TFPI: variants seen among roughly 807,000 people sequenced by gnomAD.
TFPI encodes the protein anti-convertin.
A neutral mutation model predicts 34.6 loss-of-function variants in TFPI; 15 were observed. The ratio of observed to expected loss-of-function variants is 0.43; its 90% CI spans 0.29 to 0.67. TFPI has a LOEUF of 0.67. Among genes scored for constraint, TFPI ranks in the 30% least tolerant of loss-of-function variants. The pLI is 0.15. For missense variants in TFPI, 301 were observed against 364.0 expected (o/e 0.83, Z 1.41); for synonymous variants, 105 against 120.1 (o/e 0.87, Z 0.82).
intron 6 of TFPI, among the ~76,000 whole-genome samples, chr2:187,476,579 A>G (rs1252656515): frequency 6.6e-6 from 1 of 152,084 alleles, no homozygotes. Flanking sequence ...GGCTCAAGCT[A>G]TCTTCCCACC....
At chr2:187,536,366 C>T (rs1303788161) in intron 1 of TFPI, among the ~76,000 whole-genome samples, 1 of 152,172 alleles carries the variant, frequency 6.6e-6, no homozygotes, top group Non-Finnish European at 1.5e-5. Flanking sequence ...TCCAGCAGCA[C>T]ATCAAAAAGC....
chr2:187,483,157 G>T (rs1413007919), intron 6 of TFPI, among the ~76,000 whole-genome samples: 1 of 151,870 alleles, frequency 6.6e-6, no homozygotes, highest in East Asian at 1.9e-4. Flanking sequence ...TTGCTTAGTT[G>T]TTCGTTTGTT....
chr2:187,509,712 AATCT>A (rs1686488041), intron 1 of TFPI, among the ~76,000 whole-genome samples: 2 of 151,980 alleles, frequency 1.3e-5, no homozygotes, highest in African/African-American at 2.4e-5. Flanking sequence ...TCTGGCTAGC[AATCT>A]ATCTATTTGC....
At chr2:187,474,265 T>G (rs1692228874) in intron 6 of TFPI, among the ~76,000 whole-genome samples, 1 of 152,092 alleles carries the variant, frequency 6.6e-6, no homozygotes, top group Admixed American at 6.6e-5. Context: ...TTAGGAAGAA[T>G]GGGATTTTAG....
At chr2:187,485,418 T>C (rs1693191148) in intron 4 of TFPI, among the ~76,000 whole-genome samples, 1 of 151,768 alleles carries the variant, frequency 6.6e-6, no homozygotes, top group African/African-American at 2.4e-5. Context: ...CGTTGCTCCA[T>C]TAAGAATGGT....
At chr2:187,531,363 G>C (rs538720635) in intron 1 of TFPI, among the ~76,000 whole-genome samples, 2 of 152,196 alleles carry the variant, frequency 1.3e-5, no homozygotes, top group African/African-American at 4.8e-5. Flanking sequence ...TATTGTGTCT[G>C]AATGAATTCA....
At chr2:187,502,762 C>T (rs1168851665) in intron 2 of TFPI, among the ~76,000 whole-genome samples, 2 of 152,120 alleles carry the variant, frequency 1.3e-5, no homozygotes, top group Non-Finnish European at 2.9e-5. Context: ...GATTCTTGAG[C>T]ACCTCATCTC....
intron 3 of TFPI, among the ~76,000 whole-genome samples, chr2:187,493,052 C>T (rs1044815122): frequency 3.9e-5 from 6 of 152,090 alleles, no homozygotes; most frequent in African/African-American, 9.7e-5. Flanking sequence ...GAATCTGTGT[C>T]GGGGGTCTGA....
At chr2:187,489,123 G>T (rs988583084) in intron 3 of TFPI, among the ~76,000 whole-genome samples, 1 of 151,378 alleles carries the variant, frequency 6.6e-6, no homozygotes. Flanking sequence ...GTTTTGCAGA[G>T]AAAATCTTTG....
chr2:187,480,687 C>T (rs1375141058), intron 6 of TFPI, among the ~76,000 whole-genome samples: 1 of 152,084 alleles, frequency 6.6e-6, no homozygotes, highest in Non-Finnish European at 1.5e-5. Context: ...GGAGAGAACA[C>T]ACATTTATTT....
At chr2:187,529,869 A>G (rs905331410) in intron 1 of TFPI, among the ~76,000 whole-genome samples, 1 of 152,188 alleles carries the variant, frequency 6.6e-6, no homozygotes, top group Non-Finnish European at 1.5e-5. Flanking sequence ...TTGCGGCATT[A>G]CTAACCTTTA....
chr2:187,486,294 T>C (rs1234762792), intron 4 of TFPI, among the ~76,000 whole-genome samples: 1 of 151,684 alleles, frequency 6.6e-6, no homozygotes, highest in African/African-American at 2.4e-5. Flanking sequence ...TCATATGATT[T>C]GTTTTAGTCT....
At chr2:187,519,128 TGAA>T (rs1687202101) in intron 1 of TFPI, 1 of 152,254 alleles carries the variant, frequency 6.6e-6, no homozygotes, top group Non-Finnish European at 1.5e-5. Context: ...ATCCACCTTC[TGAA>T]GCCTACTTCT....
chr2:187,488,218 G>T, intron 4 of TFPI, 119 bp downstream of exon 4: 1 of 695,908 alleles, frequency 1.4e-6, no homozygotes, highest in East Asian at 3.0e-5. Context: ...AGAAACTTAA[G>T]AATTGAATAT....
At chr2:187,504,004 G>A (rs192225997) in intron 1 of TFPI, among the ~76,000 whole-genome samples, 11 of 152,152 alleles carry the variant, frequency 7.2e-5, no homozygotes, top group Non-Finnish European at 1.0e-4. Context: ...AAGCAAACAG[G>A]TCATATTTCA....
chr2:187,472,855 T>C (rs1003564314), intron 6 of TFPI, among the ~76,000 whole-genome samples: 5 of 151,820 alleles, frequency 3.3e-5, no homozygotes, highest in African/African-American at 1.2e-4. Context: ...CTACTAAGAA[T>C]ACAAAAATTA....
rs1454441728 is a variant in TFPI at position 187,546,064 on chromosome 2, G to A, written c.-3+8136C>T. Among the ~76,000 whole-genome samples the A allele has an allele frequency of 5.9e-5, 9 of 151,904 alleles. No homozygotes were observed. In the South Asian group the frequency reaches 1.7e-3, roughly 28 times the overall value. ...TTAAAATTTGCAATTGAAATCTGAA[G>A]AGAATGTGATATACTATAGATCTCC... On this transcript the variant is annotated intron_variant, in intron 1 of 7. Coordinates refer to ENST00000233156, the MANE Select transcript of TFPI (RefSeq NM_006287.6).
intron 1 of TFPI, among the ~76,000 whole-genome samples, chr2:187,524,815 A>AT (rs924153890): frequency 5.3e-5 from 8 of 152,100 alleles, no homozygotes; most frequent in African/African-American, 1.9e-4. Flanking sequence ...TAGATTTAAC[A>AT]TTTTTTAAAT....
chr2:187,467,759 T>C lies in TFPI; in HGVS notation c.802A>G (p.Lys268Glu). The C allele has an allele frequency of 6.2e-7, 1 of 1,602,242 alleles. No individual in the cohort carries two copies. Among genetic ancestry groups the C allele is most frequent in the Non-Finnish European group, 8.5e-7 (1 of 1,174,816 alleles). The change falls in exon 7 of 8, where the codon AAA (lysine) becomes GAA (glutamate). Residue 268 changes from lysine to glutamate, a missense_variant. By Grantham distance (56) the Lys-to-Glu change is moderately conservative (BLOSUM62 1). Transcript: ENST00000233156. ...GGAAGAGTATCTTCTATACCTTTTT[T>C]ACATGCCCTCAGACATTCTTGTTTG... is the stretch of plus-strand genomic sequence containing the variant. ...TSKQECLRAC[K>E]KGFIQRISKG...
Sources: gnomAD v4.1 joint callset for allele counts (sites outside exome capture counted in the v4.1 genomes callset) on GRCh38, gnomAD v4.1.1 for gene constraint, MANE v1.5 for transcripts, NCBI Gene and HGNC (gene_info 2026-07-23, HGNC 2026-07-21) for gene names.